SLC23A2: variants seen among roughly 807,000 people sequenced by gnomAD.
SLC23A2 encodes solute carrier family 23 member 2, also known as Na(+)/L-ascorbic acid transporter 2.
Under a neutral mutation model 73.3 loss-of-function variants are expected in SLC23A2, and 36 were observed. The ratio of observed to expected loss-of-function variants is 0.49; its 90% CI spans 0.38 to 0.65. The LOEUF is 0.65. SLC23A2 is among the 30% of genes least tolerant of loss of function. SLC23A2 has a pLI of 0.00. For missense variants in SLC23A2, 507 were observed against 841.6 expected, an observed-to-expected ratio of 0.60 and a Z score of 4.92; for synonymous variants, 343 against 327.3, an observed-to-expected ratio of 1.05 and a Z score of -0.52.
Position 4,984,283 on chromosome 20 carries a change from A to G in SLC23A2, c.-281-13364T>C, listed in dbSNP as rs375501389. On this transcript the variant is annotated intron_variant, in intron 1 of 16. Transcript: ENST00000338244. ...GCAAGACCCAGTCTCGGCCGGGTGC[A>G]GTGGCTCACGCCTGTAATCCCAGCA... Among the ~76,000 whole-genome samples, 1,290 of 152,092 alleles carry G rather than the reference A, an allele frequency of 8.5e-3. 48 individuals carry two copies. In the South Asian group the frequency reaches 0.14, roughly 16 times the overall value.
Position 4,883,713 on chromosome 20 carries a change from C to T in SLC23A2, c.753G>A (p.Val251=). 1 of 1,613,966 alleles carries T rather than the reference C, an allele frequency of 6.2e-7. No homozygotes were observed. The highest frequency in any genetic ancestry group is 1.1e-5 in the South Asian group (1 of 91,066). ...YIGPLTITPT[V]ALIGLSGFQA... ...GGAAACCAGAGAGGCCAATTAGGGC[C>T]ACCGTGGGTGTAATGGTCAAGGGAC... Residue 251 remains valine, a synonymous_variant, in exon 9 of 17, where the codon GTG becomes GTA. Coordinates refer to ENST00000338244, the MANE Select transcript of SLC23A2 (RefSeq NM_005116.6). The surrounding 1 kb of genome is among the most constrained non-coding windows in gnomAD (Gnocchi z 4.5).
intron 2 of SLC23A2, among the ~76,000 whole-genome samples, chr20:4,933,210 C>A (rs188505528): frequency 8.6e-5 from 13 of 150,476 alleles, no homozygotes; most frequent in African/African-American, 2.7e-4. Flanking sequence ...CTGGGCAATG[C>A]GGATACAGCC....
intron 6 of SLC23A2, among the ~76,000 whole-genome samples, chr20:4,896,618 G>A (rs904711025): frequency 1.3e-5 from 2 of 152,156 alleles, no homozygotes; most frequent in African/African-American, 4.8e-5. Flanking sequence ...CCCCCAGGAC[G>A]AGAAAGAGTG....
chr20:5,007,698 GC>G (rs1438650939), intron 1 of SLC23A2, among the ~76,000 whole-genome samples: 1 of 151,654 alleles, frequency 6.6e-6, no homozygotes, highest in Non-Finnish European at 1.5e-5. Flanking sequence ...TCTTCCCCCA[GC>G]CCCGGCAACC....
upstream of SLC23A2, chr20:5,001,547 A>T (rs958638858): frequency 6.7e-6 from 1 of 150,184 alleles, no homozygotes; most frequent in East Asian, 2.0e-4. Flanking sequence ...GGTGCAGCGG[A>T]GCCGCCCGCC....
chr20:4,869,572 C>A (rs1930355293), intron 12 of SLC23A2: 2 of 229,008 alleles, frequency 8.7e-6, no homozygotes, highest in African/African-American at 2.3e-5. Context: ...CCAAAAAAAG[C>A]AAAGAACAAG....
At chr20:4,963,453 C>T (rs2087424247) in intron 2 of SLC23A2, among the ~76,000 whole-genome samples, 1 of 151,990 alleles carries the variant, frequency 6.6e-6, no homozygotes, top group South Asian at 2.1e-4. Context: ...GTCTGCATGG[C>T]TATAAGAATC....
chr20:4,988,523 G>A (rs1017815387), intron 1 of SLC23A2, among the ~76,000 whole-genome samples: 1 of 151,836 alleles, frequency 6.6e-6, no homozygotes, highest in Non-Finnish European at 1.5e-5. Flanking sequence ...GGATCATGAG[G>A]TCAAGAGTTA....
rs999406490 is a variant in SLC23A2 at position 5,008,996 on chromosome 20, C to T, written c.-282+1186G>A. Among the ~76,000 whole-genome samples, 60 of 152,152 alleles carry T rather than the reference C, an allele frequency of 3.9e-4. 2 individuals carry two copies. Among genetic ancestry groups the T allele is most frequent in the Non-Finnish European group, 1.8e-4 (12 of 68,024 alleles). On this transcript the variant is annotated intron_variant, in intron 1 of 16. Coordinates refer to the SLC23A2 transcript ENST00000379333. Reference sequence around the variant, plus strand: ...CCTCCTCACTTCCTTCCTCCCTTTACCCCAGGCAATCTGGGCTGCATTCTT... The same window carrying T: ...CCTCCTCACTTCCTTCCTCCCTTTATCCCAGGCAATCTGGGCTGCATTCTT...
intron 3 of SLC23A2, among the ~76,000 whole-genome samples, chr20:4,914,374 T>C (rs973642674): frequency 2.0e-5 from 3 of 151,998 alleles, no homozygotes; most frequent in East Asian, 1.9e-4. Context: ...TTTTAAATTA[T>C]GGAAATAATT....
chr20:4,878,582 C>A (rs1197485331), intron 9 of SLC23A2, among the ~76,000 whole-genome samples: 2 of 152,144 alleles, frequency 1.3e-5, no homozygotes, highest in Non-Finnish European at 2.9e-5. Context: ...GAAAGATCTC[C>A]CCTCCCTTAG....
At position 4,883,603 on chromosome 20, in the gene SLC23A2, C is replaced by G. The variant is rs1427658048; in HGVS notation, c.824+39G>C. On this transcript the variant is annotated intron_variant, in intron 9 of 16. Coordinates refer to ENST00000338244, the MANE Select transcript of SLC23A2 (RefSeq NM_005116.6). The surrounding 1 kb of genome is among the most constrained non-coding windows in gnomAD (Gnocchi z 4.5). ...TCTGTGTGAATGTTCCTAAAGGCTG[C>G]CCCGCAGTGGTGGGATGAGGGGAGA... The G allele has an allele frequency of 1.4e-6, 2 of 1,457,148 alleles. No homozygotes were observed. Among genetic ancestry groups the G allele is most frequent in the African/African-American group, 2.8e-5 (2 of 70,904 alleles). The allele number at this position is 1,457,148 out of a possible 1,614,324, so 90.3% of individuals were successfully genotyped here. A position where few individuals can be genotyped will look rare whatever the true frequency, so the allele number is the denominator to read the frequency against.
intron 2 of SLC23A2, among the ~76,000 whole-genome samples, chr20:4,961,531 T>G (rs752679564): frequency 3.9e-5 from 6 of 152,156 alleles, no homozygotes; most frequent in Non-Finnish European, 8.8e-5. Flanking sequence ...CTTAAAACAT[T>G]TGAGATTTTT....
At chr20:4,874,765 C>T in intron 9 of SLC23A2, 69 bp from the exon 10 acceptor site, 1 of 1,344,640 alleles carries the variant, frequency 7.4e-7, no homozygotes, top group South Asian at 1.5e-5. Context: ...ACACTCGAAG[C>T]TTCTATGGCA....
chr20:4,948,362 G>C (rs888288667), intron 2 of SLC23A2, among the ~76,000 whole-genome samples: 1 of 152,038 alleles, frequency 6.6e-6, no homozygotes, highest in Non-Finnish European at 1.5e-5. Flanking sequence ...CCACTTTCCC[G>C]GTCTCATCTG....
At chr20:4,976,235 T>G (rs2087643300) in intron 1 of SLC23A2, among the ~76,000 whole-genome samples, 1 of 152,154 alleles carries the variant, frequency 6.6e-6, no homozygotes, top group South Asian at 2.1e-4. Flanking sequence ...ATTAACCCTT[T>G]GTCTACTGAA....
At chr20:4,920,613 T>G (rs1461511566) in intron 3 of SLC23A2, among the ~76,000 whole-genome samples, 2 of 152,146 alleles carry the variant, frequency 1.3e-5, no homozygotes. Flanking sequence ...CACTTTGCAG[T>G]TATAAAAAAC....
chr20:4,893,897 C>T (rs1931424120), intron 6 of SLC23A2, among the ~76,000 whole-genome samples: 1 of 152,118 alleles, frequency 6.6e-6, no homozygotes, highest in African/African-American at 2.4e-5. Context: ...AGACTCTCCT[C>T]CCACCAGCCT....
chr20:4,992,152 G>A (rs897495288), intron 1 of SLC23A2, among the ~76,000 whole-genome samples: 1 of 152,064 alleles, frequency 6.6e-6, no homozygotes, highest in South Asian at 2.1e-4. Flanking sequence ...GAAAAACACT[G>A]GAGTAAAAAC....
Sources: gnomAD v4.1 joint callset for allele counts (sites outside exome capture counted in the v4.1 genomes callset) on GRCh38, gnomAD v4.1.1 for gene constraint, Gnocchi (gnomAD v3.1) non-coding constraint, MANE v1.5 for transcripts, NCBI Gene and HGNC (gene_info 2026-07-23, HGNC 2026-07-21) for gene names.